Variants in EVI5 observed in about 807,000 individuals in gnomAD.
The protein encoded by EVI5 is ecotropic viral integration site 5 protein homolog.
A neutral mutation model predicts 112.0 loss-of-function variants in EVI5; 73 were observed. That is an observed-to-expected ratio of 0.65 (90% CI 0.54 to 0.79). EVI5 has a LOEUF of 0.79. EVI5 is among the 30% of genes least tolerant of loss of function. The pLI is 0.00. For missense variants in EVI5, 900 were observed against 968.8 expected, an observed-to-expected ratio of 0.93 and a Z score of 0.94; for synonymous variants, 305 against 319.9, an observed-to-expected ratio of 0.95 and a Z score of 0.50.
intron 2 of EVI5, among the ~76,000 whole-genome samples, chr1:92,716,192 G>C (rs1385905087): frequency 6.6e-6 from 1 of 152,090 alleles, no homozygotes; most frequent in Non-Finnish European, 1.5e-5. Flanking sequence ...TAGCCTAACT[G>C]GGAGACACCT....
intron 1 of EVI5, among the ~76,000 whole-genome samples, chr1:92,754,219 A>C (rs936794366): frequency 6.6e-6 from 1 of 152,162 alleles, no homozygotes; most frequent in Non-Finnish European, 1.5e-5. Context: ...ATCCCTTCTA[A>C]ATTTTTTACT....
intron 19 of EVI5, among the ~76,000 whole-genome samples, chr1:92,545,214 A>G (rs61781871): frequency 2.0e-4 from 31 of 152,258 alleles, no homozygotes; most frequent in Admixed American, 7.8e-4. Flanking sequence ...CAATACTGTT[A>G]TTGTTTATTT....
intron 13 of EVI5, among the ~76,000 whole-genome samples, chr1:92,653,615 G>C (rs1307208604): frequency 1.3e-5 from 2 of 152,218 alleles, no homozygotes; most frequent in African/African-American, 2.4e-5. Context: ...AGAGCACACA[G>C]ACTTTCTGGG....
chr1:92,724,991 G>A (rs1675344802), intron 2 of EVI5, among the ~76,000 whole-genome samples: 1 of 152,050 alleles, frequency 6.6e-6, no homozygotes, highest in Admixed American at 6.6e-5. Context: ...TGTGCTCCCT[G>A]AACTGAGGAG....
intron 1 of EVI5, among the ~76,000 whole-genome samples, chr1:92,761,669 C>T (rs1681901499): frequency 6.6e-6 from 1 of 152,046 alleles, no homozygotes; most frequent in South Asian, 2.1e-4. Context: ...TGGTGTCTTG[C>T]TATATTGCCC....
chr1:92,539,482 G>A (rs186708161), intron 19 of EVI5, among the ~76,000 whole-genome samples: 2 of 148,498 alleles, frequency 1.3e-5, no homozygotes, highest in East Asian at 4.0e-4. Flanking sequence ...GGCGGAACTA[G>A]TAGTGAGACG....
At position 92,645,216 on chromosome 1, in the gene EVI5, T is replaced by C. The variant is rs554856203; in HGVS notation, c.1393-8880A>G. Among the ~76,000 whole-genome samples the C allele has an allele frequency of 2.6e-5, 4 of 152,314 alleles. No homozygotes were observed. In the South Asian group the frequency reaches 6.2e-4, roughly 24 times the overall value. ...CATACAATCTTAAATAAGATTGTTATGTCTTCTTGGTGAACTATCATTATA... is the reference window on the plus strand; with the variant it reads ...CATACAATCTTAAATAAGATTGTTACGTCTTCTTGGTGAACTATCATTATA... On this transcript the variant is annotated intron_variant, in intron 13 of 19. Transcript: ENST00000684568.
chr1:92,785,962 T>A (rs981983495), upstream of EVI5, among the ~76,000 whole-genome samples: 2 of 151,522 alleles, frequency 1.3e-5, no homozygotes, highest in Non-Finnish European at 2.9e-5. Context: ...GGCGTGCGCC[T>A]GTACTCCCAG....
chr1:92,741,293 T>C (rs1057387305), intron 1 of EVI5, among the ~76,000 whole-genome samples: 4 of 152,124 alleles, frequency 2.6e-5, no homozygotes, highest in Admixed American at 2.0e-4. Context: ...AGACCAAAGG[T>C]TGGCAATGGA....
intron 1 of EVI5, among the ~76,000 whole-genome samples, chr1:92,767,200 C>T (rs950744392): frequency 2.6e-5 from 4 of 152,070 alleles, no homozygotes; most frequent in East Asian, 1.9e-4. Flanking sequence ...ATATGCTATC[C>T]GCCTGTTAGT....
intron 1 of EVI5, among the ~76,000 whole-genome samples, chr1:92,760,530 G>A (rs527323132): frequency 8.6e-5 from 13 of 151,802 alleles, no homozygotes; most frequent in African/African-American, 3.1e-4. Context: ...TCAGGAGTTC[G>A]AGACCAGCCT....
At chr1:92,792,218 T>A in intron 1 of EVI5, 2 of 629,422 alleles carry the variant, frequency 3.2e-6, no homozygotes, top group Non-Finnish European at 5.6e-6. Context: ...GTTAACAAGC[T>A]GTTCCTGTGT....
At chr1:92,560,535 C>T (rs111253673) in intron 19 of EVI5, among the ~76,000 whole-genome samples, 2,238 of 152,116 alleles carry the variant, frequency 0.015, 28 homozygotes, top group Non-Finnish European at 0.022. Context: ...GTATGCTATG[C>T]TGCTATACAA....
chr1:92,739,019 C>T (rs939669261), intron 1 of EVI5, among the ~76,000 whole-genome samples: 1 of 152,004 alleles, frequency 6.6e-6, no homozygotes, highest in Non-Finnish European at 1.5e-5. Flanking sequence ...CACCTGTAAT[C>T]CCAACACTTT....
upstream of EVI5, among the ~76,000 whole-genome samples, chr1:92,785,405 C>T (rs953988232): frequency 1.3e-5 from 2 of 152,232 alleles, no homozygotes; most frequent in Non-Finnish European, 2.9e-5. Flanking sequence ...GACTGCAGGC[C>T]TCGCGCTGCC....
At chr1:92,604,953 C>T (rs1435488440) in intron 18 of EVI5, among the ~76,000 whole-genome samples, 1 of 152,126 alleles carries the variant, frequency 6.6e-6, no homozygotes, top group Non-Finnish European at 1.5e-5. Flanking sequence ...AGTGGTCAAA[C>T]TCATAGAGAC....
intron 13 of EVI5, among the ~76,000 whole-genome samples, chr1:92,661,777 C>T (rs755074431): frequency 5.3e-5 from 8 of 151,866 alleles, no homozygotes; most frequent in Non-Finnish European, 1.0e-4. Context: ...ACCGAGATGA[C>T]GATGCTGTTT....
chr1:92,617,427 T>C (rs1653450227), intron 16 of EVI5, among the ~76,000 whole-genome samples: 1 of 152,180 alleles, frequency 6.6e-6, no homozygotes, highest in Non-Finnish European at 1.5e-5. Flanking sequence ...GACATTTGTA[T>C]CCCATGTGAG....
chr1:92,599,936 T>C (rs1213911812), intron 18 of EVI5, among the ~76,000 whole-genome samples: 1 of 152,108 alleles, frequency 6.6e-6, no homozygotes, highest in African/African-American at 2.4e-5. Flanking sequence ...AGGTAGTCAA[T>C]GAAATTTCTA....
Sources: allele counts gnomAD v4.1 joint callset (sites outside exome capture counted in the v4.1 genomes callset), GRCh38; gene constraint gnomAD v4.1.1; transcripts MANE v1.5; gene names NCBI Gene and HGNC (gene_info 2026-07-23, HGNC 2026-07-21).